Variants in CLSPN observed in about 807,000 individuals in gnomAD.
CLSPN encodes claspin homolog.
Under a neutral mutation model 156.3 loss-of-function variants are expected in CLSPN, and 85 were observed. That is an observed-to-expected ratio of 0.54 (90% CI 0.46 to 0.65). CLSPN has a LOEUF of 0.65. CLSPN is among the 30% of genes least tolerant of loss of function. CLSPN has a pLI of 0.00. For synonymous variants in CLSPN, 534 were observed against 542.4 expected (o/e 0.98, Z 0.22); for missense variants, 1,407 against 1,554.9 (o/e 0.90, Z 1.60).
chr1:35,721,085 T>A, intron 24 of CLSPN: 1 of 755,648 alleles, frequency 1.3e-6, no homozygotes, highest in Non-Finnish European at 2.1e-6. Context: ...TATAGTTTTG[T>A]ATGCCTTATT....
In CLSPN at chr1:35,749,489, T is replaced by G; in HGVS notation, c.2250A>C (p.Ser750=). Reference sequence around the variant, plus strand: ...TACCCAGTTTGCTAGGCTGCTTGCCTGAGTTTTCATCTGTTTCTGATTTTT... The same window carrying G: ...TACCCAGTTTGCTAGGCTGCTTGCCGGAGTTTTCATCTGTTTCTGATTTTT... The part of the protein sequence containing the change: ...TEEKSETDEN[S]GKQPSKLDED... Residue 750 remains serine (S), a synonymous_variant, in exon 12 of 25, where the codon TCA becomes TCC. Transcript: ENST00000318121. 1 of 1,614,054 alleles carries G rather than the reference T, an allele frequency of 6.2e-7. No homozygotes were observed. The highest frequency in any genetic ancestry group is 8.5e-7 in the Non-Finnish European group (1 of 1,179,892).
Position 35,738,401 on chromosome 1 carries a change from T to A in CLSPN, c.3558+54A>T. Reference sequence around the variant, plus strand: ...ACAAGCTAAGATTTTGAAACTATCATGACAAGCTAAGGGACAGTCTCATAA... The same window carrying A: ...ACAAGCTAAGATTTTGAAACTATCAAGACAAGCTAAGGGACAGTCTCATAA... On this transcript the variant is annotated intron_variant, in intron 21 of 24. Coordinates refer to ENST00000318121, the MANE Select transcript of CLSPN (RefSeq NM_022111.4). 2.5e-6 allele frequency: 4 copies of A among 1,574,396 alleles called. No individual in the cohort carries two copies. In the South Asian group the frequency reaches 4.6e-5, roughly 18 times the overall value.
intron 8 of CLSPN, among the ~76,000 whole-genome samples, chr1:35,754,900 T>G (rs1571212857): frequency 1.3e-5 from 2 of 152,142 alleles, no homozygotes; most frequent in South Asian, 4.1e-4. Context: ...GATATAAACT[T>G]ACCCCTCTTC....
intron 1 of CLSPN, among the ~76,000 whole-genome samples, chr1:35,766,432 T>C (rs995103429): frequency 6.6e-6 from 1 of 152,180 alleles, no homozygotes; most frequent in African/African-American, 2.4e-5. Context: ...TGTATATTTC[T>C]ATATGCTATG....
chr1:35,759,125 A>G (rs553607543), intron 8 of CLSPN, among the ~76,000 whole-genome samples: 10 of 152,370 alleles, frequency 6.6e-5, no homozygotes, highest in Non-Finnish European at 1.2e-4. Flanking sequence ...AATTTATTCA[A>G]TGTGGTAATA....
rs1447506461 is a variant in CLSPN, at chr1:35,764,490, A to G, written c.358T>C (p.Tyr120His). The G allele has an allele frequency of 1.2e-6, 2 of 1,614,072 alleles. No individual in the cohort carries two copies. The highest frequency in any genetic ancestry group is 1.7e-6 in the Non-Finnish European group (2 of 1,180,010). ...ACTTGCGCTTCAAGATTTTCCTGAT[A>G]CAAAGACTTTTCCATGTAACTTTCA... ...SDESYMEKSL[Y>H]QENLEAQVKP... Residue 120 changes from tyrosine to histidine, a missense_variant, in exon 3 of 25, where the codon TAT (tyrosine) becomes CAT (histidine). Physicochemically the swap from Tyr to His is moderately conservative, Grantham distance 83 (BLOSUM62 2). Coordinates refer to ENST00000318121, the MANE Select transcript of CLSPN (RefSeq NM_022111.4).
At chr1:35,759,892 G>A (rs889232929) in intron 8 of CLSPN, among the ~76,000 whole-genome samples, 3 of 141,266 alleles carry the variant, frequency 2.1e-5, no homozygotes, top group Non-Finnish European at 4.5e-5. Context: ...GGAGTGCAAT[G>A]GTGCAGTCTC....
chr1:35,758,670 T>C (rs1642370068), intron 8 of CLSPN, among the ~76,000 whole-genome samples: 1 of 152,048 alleles, frequency 6.6e-6, no homozygotes, highest in South Asian at 2.1e-4. Flanking sequence ...AGTCTTGATG[T>C]GAACCATTTC....
chr1:35,751,141 C>G (rs923296269), intron 10 of CLSPN, 109 bp downstream of exon 10: 4 of 1,441,188 alleles, frequency 2.8e-6, no homozygotes, highest in Non-Finnish European at 3.7e-6. Context: ...CATCATGCCC[C>G]TAAAACCTCT....
At chr1:35,768,320 AT>A (rs1642740465) in intron 1 of CLSPN, among the ~76,000 whole-genome samples, 1 of 151,912 alleles carries the variant, frequency 6.6e-6, no homozygotes, top group Non-Finnish European at 1.5e-5. Flanking sequence ...GTGAGCCGAG[AT>A]TGTGCCACTG....
In CLSPN at chr1:35,738,047, G is replaced by T; in HGVS notation, c.3609C>A (p.Asp1203Glu). The T allele has an allele frequency of 6.8e-7, 1 of 1,460,442 alleles. No individual in the cohort carries two copies. The highest frequency in any genetic ancestry group is 1.6e-5 in the South Asian group (1 of 62,194). 90.5% of individuals were successfully genotyped at this position (1,460,442 alleles called of 1,614,324 possible). Residue 1203 changes from aspartate to glutamate, a missense_variant, in exon 22 of 25, where the codon GAC becomes GAA. By Grantham distance (45) the Asp-to-Glu change is conservative. Coordinates refer to ENST00000318121, the MANE Select transcript of CLSPN (RefSeq NM_022111.4). ...TCTTGGCCAGTATCATAAACTGACT[G>T]TCCTCCCCAATTTCTTCTTCTTCTT... Reference protein sequence around the residue: ...TAEEEEEIGEDSQFMILAKKV... With the variant: ...TAEEEEEIGEESQFMILAKKV...
chr1:35,739,027 C>T (rs538437926), intron 20 of CLSPN, 109 bp downstream of exon 20: 46 of 1,322,756 alleles, frequency 3.5e-5, no homozygotes, highest in Non-Finnish European at 4.6e-5. Flanking sequence ...TCCTGAACTC[C>T]TGACCTTGTG....
intron 18 of CLSPN, among the ~76,000 whole-genome samples, 184 bp from the exon 19 acceptor site, chr1:35,739,713 G>T (rs960567053): frequency 6.6e-6 from 1 of 152,020 alleles, no homozygotes; most frequent in African/African-American, 2.4e-5. Flanking sequence ...TCAACTTTAC[G>T]ATGACATGAA....
chr1:35,745,305 G>A (rs1449823110), intron 16 of CLSPN, 146 bp downstream of exon 16: 2 of 606,318 alleles, frequency 3.3e-6, no homozygotes, highest in East Asian at 2.8e-5. Flanking sequence ...CTCCACCAAA[G>A]CATTATAATT....
chr1:35,745,920 T>C (rs1301123991), intron 15 of CLSPN, among the ~76,000 whole-genome samples: 5 of 152,182 alleles, frequency 3.3e-5, no homozygotes, highest in Admixed American at 6.5e-5. Flanking sequence ...AAATGATATA[T>C]GGGCAAAGCT....
At position 35,765,316 on chromosome 1, in the gene CLSPN, T is replaced by G; in HGVS notation, c.35A>C (p.Glu12Ala). 6.2e-7 allele frequency: 1 copy of G among 1,612,054 alleles called. No homozygotes were observed. The highest frequency in any genetic ancestry group is 8.5e-7 in the Non-Finnish European group (1 of 1,178,394). ...TGEVGSEVHL[E>A]INDPNVISQE... is the part of the protein sequence containing the mutation. ...TGAAATGACGTTTGGGTCATTGATTTCTAGGTGAACCTAGAAAATGACAAT... is the reference window on the plus strand; with the variant it reads ...TGAAATGACGTTTGGGTCATTGATTGCTAGGTGAACCTAGAAAATGACAAT... Residue 12 changes from glutamate to alanine, a missense_variant, in exon 2 of 25, where the codon GAA becomes GCA. Physicochemically the swap from Glu to Ala is moderately radical, Grantham distance 107. This residue lies in a region of CLSPN where 1,096 missense variants were observed against 1,193.0 expected (regional missense o/e 0.92). Coordinates refer to ENST00000318121, the MANE Select transcript of CLSPN (RefSeq NM_022111.4).
chr1:35,762,119 A>T (rs1408081122), intron 5 of CLSPN, 49 bp from the exon 6 acceptor site: 1 of 1,322,524 alleles, frequency 7.6e-7, no homozygotes. Context: ...GAATATCCAG[A>T]AAGATAGATA....
downstream of CLSPN, among the ~76,000 whole-genome samples, chr1:35,728,307 C>G (rs564731801): frequency 6.6e-5 from 10 of 152,078 alleles, no homozygotes; most frequent in African/African-American, 2.4e-4. Context: ...GTCTCAAACC[C>G]CTGAGTTCAA....
Position 35,746,350 on chromosome 1 carries a change from C to T in CLSPN, c.2854+416G>A, listed in dbSNP as rs906775227. Among the ~76,000 whole-genome samples the T allele has an allele frequency of 6.6e-6, 1 of 152,110 alleles. No homozygotes were observed. The highest frequency in any genetic ancestry group is 1.5e-5 in the Non-Finnish European group (1 of 68,016). ...TTTATACACAGATTCCATCACAGCC[C>T]TGTTTTCTGTGAACTTTTCACCTGA... On this transcript the variant is annotated intron_variant, in intron 15 of 24. Transcript: ENST00000318121. This position sits in a 1 kb window ranked among gnomAD's most constrained non-coding sequence, Gnocchi z 4.2.
Sources: allele counts gnomAD v4.1 joint callset (sites outside exome capture counted in the v4.1 genomes callset), GRCh38; gene constraint gnomAD v4.1.1; regional missense constraint gnomAD v4.1.1; non-coding constraint Gnocchi (gnomAD v3.1); transcripts MANE v1.5; gene names NCBI Gene and HGNC (gene_info 2026-07-23, HGNC 2026-07-21).